Variants in WDR33 observed in about 807,000 individuals in gnomAD.
WDR33 encodes the protein pre-mRNA 3' end processing protein WDR33.
A neutral mutation model predicts 164.9 loss-of-function variants in WDR33; 47 were observed. The ratio of observed to expected loss-of-function variants is 0.29; its 90% confidence interval spans 0.23 to 0.36. WDR33 has a LOEUF of 0.36. WDR33 is among the 10% of genes least tolerant of loss of function. The pLI, the probability that WDR33 is intolerant of heterozygous loss-of-function variation, is 1.00. For missense variants in WDR33, 1,137 were observed against 1,754.1 expected (o/e 0.65, Z 6.28); for synonymous variants, 505 against 589.0 (o/e 0.86, Z 2.06).
intron 1 of WDR33, among the ~76,000 whole-genome samples, chr2:127,788,200 A>G (rs1573462516): frequency 1.1e-5 from 1 of 92,982 alleles, no homozygotes. Flanking sequence ...CGGAGGGCTG[A>G]CCCCCCCACC....
Position 127,701,676 on chromosome 2 carries a change from C to G in WDR33, c.*4647G>C. The stretch of plus-strand genomic sequence containing the variant: ...GGAGTGGCTGGGCCGCGCGGGCTTG[C>G]GCTGGACGTGGGCGCGGAGCCCTGC... On this transcript the variant is annotated 3_prime_UTR_variant, in exon 22 of 22. Coordinates refer to ENST00000322313, the MANE Select transcript of WDR33 (RefSeq NM_018383.5). 7.7e-7 allele frequency: 1 copy of G among 1,301,272 alleles called. No homozygotes were observed. Among genetic ancestry groups the G allele is most frequent in the Non-Finnish European group, 9.7e-7 (1 of 1,030,406 alleles). The allele number at this position is 1,301,272 out of a possible 1,614,324, so 80.6% of individuals were successfully genotyped here.
At chr2:127,780,417 C>A (rs1041677661) in intron 1 of WDR33, among the ~76,000 whole-genome samples, 2 of 152,154 alleles carry the variant, frequency 1.3e-5, no homozygotes, top group Admixed American at 1.3e-4. Flanking sequence ...TTGAGGGGAT[C>A]TTCATGAGCG....
intron 1 of WDR33, among the ~76,000 whole-genome samples, chr2:127,804,690 T>C (rs1054355949): frequency 9.2e-5 from 14 of 152,226 alleles, no homozygotes; most frequent in African/African-American, 3.4e-4. Context: ...TTTCAAAATT[T>C]AAACATTTAA....
Position 127,702,170 on chromosome 2 carries a change from C to A in WDR33, c.*4153G>T, listed in dbSNP as rs550790581. 4 of 1,213,386 alleles carry A rather than the reference C, an allele frequency of 3.3e-6. No homozygotes were observed. Among genetic ancestry groups the A allele is most frequent in the African/African-American group, 3.1e-5 (2 of 63,492 alleles). The allele number at this position is 1,213,386 out of a possible 1,614,324, so 75.2% of individuals were successfully genotyped here. A position where few individuals can be genotyped will look rare whatever the true frequency, so the allele number is the denominator to read the frequency against. On this transcript the variant is annotated 3_prime_UTR_variant, in exon 22 of 22. Transcript: ENST00000322313. ...GCGCCGGCCTCGCCAAGGTGCTGCC[C>A]GTGTGAGGACCTCGCGCCCTCGCCG... is the stretch of plus-strand genomic sequence containing the variant.
rs752986728 is a variant in WDR33, at chr2:127,720,299, G to A, written c.1726C>T (p.Pro576Ser). 4.0e-6 allele frequency: 6 copies of A among 1,516,636 alleles called. No homozygotes were observed. The highest frequency in any genetic ancestry group is 5.3e-6 in the Non-Finnish European group (6 of 1,133,116). The allele number at this position is 1,516,636 out of a possible 1,614,324, so 93.9% of individuals were successfully genotyped here. A position where few individuals can be genotyped will look rare whatever the true frequency, so the allele number is the denominator to read the frequency against. ...CCGAGGAGAGGGGTGCCAGATGAGG[G>A]AGGAGGCTGAATTTGCTCAACTTGT... ...QKQVEQIQPPPSSGTPLLGPQ... is the reference protein window; with the variant it reads ...QKQVEQIQPPSSSGTPLLGPQ... Residue 576 changes from proline (P) to serine (S), a missense_variant, in exon 16 of 22, where the codon CCC becomes TCC. Coordinates refer to ENST00000322313, the MANE Select transcript of WDR33 (RefSeq NM_018383.5). This position sits in a 1 kb window ranked among gnomAD's most constrained non-coding sequence, Gnocchi z 5.9.
chr2:127,784,453 C>T (rs1258350085), intron 1 of WDR33, among the ~76,000 whole-genome samples: 1 of 152,158 alleles, frequency 6.6e-6, no homozygotes, highest in East Asian at 1.9e-4. Context: ...GGTGCAATCA[C>T]GGCACCCTGC....
At position 127,713,219 on chromosome 2, in the gene WDR33, C is replaced by A. The variant is rs1686221295; in HGVS notation, c.3308+364G>T. Among the ~76,000 whole-genome samples, 1 of 152,184 alleles carries A rather than the reference C, an allele frequency of 6.6e-6. No homozygotes were observed. Among genetic ancestry groups the A allele is most frequent in the South Asian group, 2.1e-4 (1 of 4,838 alleles). On this transcript the variant is annotated intron_variant, in intron 18 of 21. Coordinates refer to ENST00000322313, the MANE Select transcript of WDR33 (RefSeq NM_018383.5). The surrounding 1 kb of genome is among the most constrained non-coding windows in gnomAD (Gnocchi z 6.2). ...CACAAAAATTGTATCTATTTCACAACCCCTTTATTTCCAATCTAGGTAGCT... is the reference window on the plus strand; with the variant it reads ...CACAAAAATTGTATCTATTTCACAAACCCTTTATTTCCAATCTAGGTAGCT...
At chr2:127,711,921 C>T (rs1686190809) in intron 18 of WDR33, among the ~76,000 whole-genome samples, 1 of 150,776 alleles carries the variant, frequency 6.6e-6, no homozygotes, top group African/African-American at 2.4e-5. Context: ...TACAGGCACG[C>T]ACCACCATGC....
chr2:127,739,777 A>C (rs764005294), intron 7 of WDR33, among the ~76,000 whole-genome samples: 1 of 152,228 alleles, frequency 6.6e-6, no homozygotes, highest in Non-Finnish European at 1.5e-5. Flanking sequence ...ATATAGACTT[A>C]GTTATCCAGC....
chr2:127,807,766 G>T (rs1689490871), intron 1 of WDR33, among the ~76,000 whole-genome samples: 1 of 152,188 alleles, frequency 6.6e-6, no homozygotes, highest in Non-Finnish European at 1.5e-5. Context: ...TAATGCCTAG[G>T]TTTTAGGAAT....
At chr2:127,781,891 G>A (rs1159071094) in intron 1 of WDR33, among the ~76,000 whole-genome samples, 1 of 151,640 alleles carries the variant, frequency 6.6e-6, no homozygotes, top group Non-Finnish European at 1.5e-5. Flanking sequence ...TCAGCTACTC[G>A]GGAGGCTGAG....
At chr2:127,733,793 T>C (rs577466378) in intron 7 of WDR33, among the ~76,000 whole-genome samples, 22 of 152,346 alleles carry the variant, frequency 1.4e-4, no homozygotes, top group Non-Finnish European at 1.9e-4. Flanking sequence ...AATCTTATTT[T>C]TATTTATCTC....
rs1686809816 is a variant in WDR33, at chr2:127,735,189, A to G, written c.725-8412T>C. The stretch of plus-strand genomic sequence containing the variant: ...TGCTTTTTGACTATTCCCTTAAAGG[A>G]GGAGGTTCCCTGGCTTCTGTGAAAC... On this transcript the variant is annotated intron_variant, in intron 7 of 21. Coordinates refer to ENST00000322313, the MANE Select transcript of WDR33 (RefSeq NM_018383.5). This position sits in a 1 kb window ranked among gnomAD's most constrained non-coding sequence, Gnocchi z 4.3. Among the ~76,000 whole-genome samples the G allele has an allele frequency of 6.6e-6, 1 of 152,154 alleles. No individual in the cohort carries two copies. Among genetic ancestry groups the G allele is most frequent in the South Asian group, 2.1e-4 (1 of 4,836 alleles).
At chr2:127,782,487 A>G (rs2105462691) in intron 1 of WDR33, among the ~76,000 whole-genome samples, 1 of 152,276 alleles carries the variant, frequency 6.6e-6, no homozygotes, top group African/African-American at 2.4e-5. Context: ...TCTAGCGTTC[A>G]GGTACGGCCT....
chr2:127,804,468 G>A (rs1377207912), intron 1 of WDR33, among the ~76,000 whole-genome samples: 2 of 152,148 alleles, frequency 1.3e-5, no homozygotes, highest in Non-Finnish European at 2.9e-5. Context: ...AATATTGCGG[G>A]TACTTAACTT....
chr2:127,776,456 C>A (rs1183296457), intron 1 of WDR33, among the ~76,000 whole-genome samples: 1 of 152,182 alleles, frequency 6.6e-6, no homozygotes. Context: ...TGAGCAATCA[C>A]AACTGTAATC....
intron 1 of WDR33, among the ~76,000 whole-genome samples, chr2:127,772,218 C>T (rs1178400579): frequency 6.6e-6 from 1 of 152,012 alleles, no homozygotes; most frequent in Non-Finnish European, 1.5e-5. Context: ...GGGCGGATCA[C>T]CGGAGGTCAG....
At position 127,720,838 on chromosome 2, in the gene WDR33, C is replaced by G. The variant is rs1320672704; in HGVS notation, c.1672-485G>C. On this transcript the variant is annotated intron_variant, in intron 15 of 21. Transcript: ENST00000322313. The surrounding 1 kb of genome is among the most constrained non-coding windows in gnomAD (Gnocchi z 5.9). ...CCTCCCAAAGTGCTGGGATTACAGG[C>G]GTGAGCCACTGTGCCTGGCCTAGTC... Among the ~76,000 whole-genome samples, 2 of 151,904 alleles carry G rather than the reference C, an allele frequency of 1.3e-5. No homozygotes were observed. The highest frequency in any genetic ancestry group is 4.8e-5 in the African/African-American group (2 of 41,372).
Position 127,719,591 on chromosome 2 carries a change from C to T in WDR33, c.2434G>A (p.Gly812Arg). The change falls in exon 16 of 22, where the codon GGA (glycine) becomes AGA (arginine). Residue 812 changes from glycine (G) to arginine (R), a missense_variant. This residue lies in a region of WDR33 where 867 missense variants were observed against 1,073.0 expected (regional missense o/e 0.81). Transcript: ENST00000322313. This position sits in a 1 kb window ranked among gnomAD's most constrained non-coding sequence, Gnocchi z 6.5. ...AGTAGTCCACCTGGAGGGTGAGGTC[C>T]TCTCATCTCTTGAGGCGGGTGGCCC... ...IMGHPPQEMR[G>R]PHPPGGLLGH... 1 of 1,613,966 alleles carries T rather than the reference C, an allele frequency of 6.2e-7. No individual in the cohort carries two copies. The highest frequency in any genetic ancestry group is 8.5e-7 in the Non-Finnish European group (1 of 1,179,990).
Sources: allele counts gnomAD v4.1 joint callset (sites outside exome capture counted in the v4.1 genomes callset), GRCh38; gene constraint gnomAD v4.1.1; regional missense constraint gnomAD v4.1.1; non-coding constraint Gnocchi (gnomAD v3.1); transcripts MANE v1.5; gene names NCBI Gene and HGNC (gene_info 2026-07-23, HGNC 2026-07-21).